The following CSMD1 variants were observed in gnomAD, a reference collection of about 807,000 sequenced individuals.
CSMD1 encodes CUB and Sushi multiple domains 1.
Under a neutral mutation model 417.5 loss-of-function variants are expected in CSMD1, and 213 were observed. The ratio of observed to expected loss-of-function variants is 0.51; its 90% CI spans 0.46 to 0.57. The LOEUF (loss-of-function observed/expected upper bound fraction) is 0.57, where lower values mean the gene tolerates loss of function less well. Among genes scored for constraint, CSMD1 ranks in the 20% least tolerant of loss-of-function variants. The probability of loss-of-function intolerance (pLI) is 0.00; values close to 1 mark genes in which losing one functional copy is unlikely to be tolerated. For synonymous variants in CSMD1, 2,862 were observed against 1,736.8 expected, an observed-to-expected ratio of 1.65 and a Z score of -16.11; for missense variants, 6,923 against 4,529.7, an observed-to-expected ratio of 1.53 and a Z score of -15.17.
At chr8:4,102,571 C>G (rs573173248) in intron 3 of CSMD1, among the ~76,000 whole-genome samples, 2 of 149,922 alleles carry the variant, frequency 1.3e-5, no homozygotes, top group African/African-American at 2.5e-5. Context: ...GGCTGACTCC[C>G]AGGCTGAAAT....
At chr8:3,372,513 G>T (rs547987562) in intron 18 of CSMD1, among the ~76,000 whole-genome samples, 2 of 152,290 alleles carry the variant, frequency 1.3e-5, no homozygotes, top group African/African-American at 2.4e-5. Flanking sequence ...CAGCAAGATG[G>T]GAAGACATGG....
chr8:3,248,589 G>A (rs573031970), intron 26 of CSMD1, among the ~76,000 whole-genome samples: 1 of 132,822 alleles, frequency 7.5e-6, no homozygotes, highest in African/African-American at 2.7e-5. Flanking sequence ...GAGTACAGTG[G>A]CGCGATCTCA....
intron 4 of CSMD1, among the ~76,000 whole-genome samples, chr8:4,021,461 G>A (rs922422374): frequency 1.3e-5 from 2 of 152,134 alleles, no homozygotes; most frequent in Non-Finnish European, 2.9e-5. Context: ...CCTGGCTTTT[G>A]TTGGTTAAGC....
At chr8:4,040,894 C>A (rs1043470833) in intron 3 of CSMD1, among the ~76,000 whole-genome samples, 1 of 151,778 alleles carries the variant, frequency 6.6e-6, no homozygotes, top group Non-Finnish European at 1.5e-5. Context: ...GTAAATGGCT[C>A]TTGAGAAGCA....
chr8:3,942,508 T>G (rs1303860453), intron 5 of CSMD1, among the ~76,000 whole-genome samples: 2 of 152,142 alleles, frequency 1.3e-5, no homozygotes, highest in Non-Finnish European at 2.9e-5. Context: ...CTTCAGGGAC[T>G]ATAACCCTCA....
chr8:4,785,808 T>C (rs1029109055), intron 1 of CSMD1, among the ~76,000 whole-genome samples: 1 of 152,118 alleles, frequency 6.6e-6, no homozygotes, highest in Non-Finnish European at 1.5e-5. Context: ...TTGCCCAGAC[T>C]CGTTAAATGG....
chr8:4,193,493 C>T (rs137950295), intron 3 of CSMD1, among the ~76,000 whole-genome samples: 6 of 151,896 alleles, frequency 4.0e-5, no homozygotes, highest in African/African-American at 1.5e-4. Context: ...GGGAAGGTGA[C>T]GATGGCTTCA....
At chr8:3,726,899 A>G (rs148020995) in intron 6 of CSMD1, among the ~76,000 whole-genome samples, 13 of 152,320 alleles carry the variant, frequency 8.5e-5, no homozygotes, top group African/African-American at 3.1e-4. Context: ...ACATGAGGAA[A>G]TATCTGTTTA....
chr8:3,647,099 C>G (rs577265087), intron 7 of CSMD1, among the ~76,000 whole-genome samples: 2 of 152,228 alleles, frequency 1.3e-5, no homozygotes, highest in South Asian at 4.2e-4. Flanking sequence ...CTTGTCATGG[C>G]AATGAAAATC....
chr8:3,986,952 A>T (rs944445257), intron 5 of CSMD1, among the ~76,000 whole-genome samples: 1 of 152,010 alleles, frequency 6.6e-6, no homozygotes, highest in African/African-American at 2.4e-5. Context: ...AGGGCGTTTC[A>T]CCATGCAGTT....
chr8:3,334,575 G>A (rs149738472), intron 23 of CSMD1, among the ~76,000 whole-genome samples: 1 of 152,302 alleles, frequency 6.6e-6, no homozygotes, highest in Non-Finnish European at 1.5e-5. Flanking sequence ...ACAGCTCCAT[G>A]CTTTAATTTT....
intron 3 of CSMD1, among the ~76,000 whole-genome samples, chr8:4,395,419 T>TAAAA (rs139105329): frequency 7.3e-4 from 111 of 151,570 alleles, no homozygotes; most frequent in African/African-American, 2.6e-3. Flanking sequence ...TAAAGAATCA[T>TAAAA]AAAAAAAACA....
At chr8:4,066,262 T>C (rs1018927467) in intron 3 of CSMD1, among the ~76,000 whole-genome samples, 1 of 152,204 alleles carries the variant, frequency 6.6e-6, no homozygotes, top group African/African-American at 2.4e-5. Flanking sequence ...ACTGCACCTC[T>C]GAGGTATCCC....
At chr8:3,877,834 C>G (rs1375447039) in intron 5 of CSMD1, among the ~76,000 whole-genome samples, 1 of 152,096 alleles carries the variant, frequency 6.6e-6, no homozygotes, top group African/African-American at 2.4e-5. Context: ...ATAGAACTGA[C>G]TTAAATTTTG....
intron 1 of CSMD1, among the ~76,000 whole-genome samples, chr8:4,672,297 T>G (rs1292128580): frequency 1.3e-5 from 2 of 152,116 alleles, no homozygotes; most frequent in Admixed American, 1.3e-4. Flanking sequence ...AATGAAAACT[T>G]CTCTAGAACT....
rs145844191 is a variant in CSMD1, at chr8:3,659,569, T to C, written c.1010-42772A>G. On this transcript the variant is annotated intron_variant, in intron 7 of 69. Transcript: ENST00000635120. ...TCTTTTTTTCGGGGGGTTATCATAT[T>C]AGCAAAAATGATTCAACTGTGAATT... 3.2e-3 allele frequency among the ~76,000 whole-genome samples: 491 copies of C among 152,334 alleles called. 1 individual carries two copies. The highest frequency in any genetic ancestry group is 0.011 in the African/African-American group (462 of 41,576).
In CSMD1 at chr8:4,637,463, T is replaced by A. The variant is rs1048742554; in HGVS notation, c.181A>T (p.Ile61Phe). The A allele has an allele frequency of 1.9e-6, 3 of 1,613,664 alleles. No individual in the cohort carries two copies. The highest frequency in any genetic ancestry group is 1.7e-5 in the Admixed American group (1 of 59,982). Residue 61 changes from isoleucine (I) to phenylalanine (F), a missense_variant, in exon 2 of 70, where the codon ATC (isoleucine) becomes TTC (phenylalanine). Coordinates refer to ENST00000635120, the MANE Select transcript of CSMD1 (RefSeq NM_033225.6). ...CTATTGCGCTCGCCCGTGATGATGATCCAGGTGCAGTTGGCATAGTTCGGA... is the reference window on the plus strand; with the variant it reads ...CTATTGCGCTCGCCCGTGATGATGAACCAGGTGCAGTTGGCATAGTTCGGA... ...GYPNYANCTW[I>F]IITGERNRIQ...
At chr8:4,218,443 A>G (rs1284317923) in intron 3 of CSMD1, among the ~76,000 whole-genome samples, 9 of 152,274 alleles carry the variant, frequency 5.9e-5, no homozygotes, top group Middle Eastern at 3.4e-3. Context: ...TTATTCTGCC[A>G]TGCTTCATAT....
intron 5 of CSMD1, among the ~76,000 whole-genome samples, chr8:3,970,497 A>G (rs1349967457): frequency 1.3e-5 from 2 of 152,210 alleles, no homozygotes; most frequent in African/African-American, 4.8e-5. Context: ...GAATGTTCAC[A>G]TTCTTGGTTT....
Sources: allele counts gnomAD v4.1 joint callset (sites outside exome capture counted in the v4.1 genomes callset), GRCh38; gene constraint gnomAD v4.1.1; transcripts MANE v1.5; gene names NCBI Gene and HGNC (gene_info 2026-07-23, HGNC 2026-07-21).